The following PDE1C variants were observed in gnomAD, a reference collection of about 807,000 sequenced individuals.
PDE1C encodes phosphodiesterase 1C.
PDE1C carries 62 observed loss-of-function variants against 93.1 expected under a neutral mutation model. That is an observed-to-expected ratio of 0.67 (90% CI 0.54 to 0.82). The LOEUF (loss-of-function observed/expected upper bound fraction) is 0.82, where lower values mean the gene tolerates loss of function less well. Ranked by LOEUF, PDE1C falls within the 40% of genes least tolerant of loss-of-function variation. The pLI, the probability that PDE1C is intolerant of heterozygous loss-of-function variation, is 0.00. For missense variants in PDE1C, 742 were observed against 884.6 expected (o/e 0.84, Z 2.04); for synonymous variants, 325 against 310.1 (o/e 1.05, Z -0.50).
At chr7:31,642,035 A>T in the PDE1C span, 8 of 514,102 alleles carry the variant, frequency 1.6e-5, no homozygotes, top group Middle Eastern at 5.3e-4. Flanking sequence ...TGTCCTTGGA[A>T]TTCCCTCATT....
At chr7:32,313,740 C>CT (rs1783107302) in intron 1 of PDE1C, among the ~76,000 whole-genome samples, 1 of 112,752 alleles carries the variant, frequency 8.9e-6, no homozygotes, top group Non-Finnish European at 1.7e-5. Context: ...ACATCACACT[C>CT]TGGGGACTGT....
chr7:31,766,803 A>C (rs28533158), intron 17 of PDE1C, among the ~76,000 whole-genome samples: 23,229 of 152,246 alleles, frequency 0.15, 1,988 homozygotes, highest in Non-Finnish European at 0.18. Flanking sequence ...GACAACCATT[A>C]ATAGGAGAAT....
intron 13 of PDE1C, among the ~76,000 whole-genome samples, chr7:31,824,136 C>T (rs1172902301): frequency 6.6e-6 from 1 of 152,132 alleles, no homozygotes; most frequent in Non-Finnish European, 1.5e-5. Context: ...CACTTCTCTT[C>T]TTCCTCCTTT....
the PDE1C span, among the ~76,000 whole-genome samples, chr7:31,719,135 C>A: frequency 2.0e-5 from 3 of 152,182 alleles, no homozygotes; most frequent in Non-Finnish European, 4.4e-5. Flanking sequence ...TGTTGAGATC[C>A]CTTCCAATAT....
At chr7:32,205,221 T>C (rs1326786753) in intron 2 of PDE1C, among the ~76,000 whole-genome samples, 4 of 152,212 alleles carry the variant, frequency 2.6e-5, no homozygotes, top group African/African-American at 4.8e-5. Context: ...CTTCACATAG[T>C]CCATGACCAG....
intron 2 of PDE1C, among the ~76,000 whole-genome samples, chr7:32,010,628 T>C (rs1489848005): frequency 6.6e-6 from 1 of 152,226 alleles, no homozygotes. Context: ...ACCAGGTCAC[T>C]ATAAAATCAG....
rs148537948 is a variant in PDE1C, at chr7:31,762,385, G to A, written c.1961-8832C>T. Among the ~76,000 whole-genome samples, 144 of 152,190 alleles carry A rather than the reference G, an allele frequency of 9.5e-4. 1 individual carries two copies. The highest frequency in any genetic ancestry group is 3.3e-3 in the African/African-American group (138 of 41,510). ...AGATGGAGTCTCGCTCTGTCACCCAGCCTGGAGTGCAGTGGCGCCATCCCG... is the reference window on the plus strand; with the variant it reads ...AGATGGAGTCTCGCTCTGTCACCCAACCTGGAGTGCAGTGGCGCCATCCCG... On this transcript the variant is annotated intron_variant, in intron 17 of 17. Transcript: ENST00000396191.
At chr7:31,875,758 C>T (rs1219596239) in intron 5 of PDE1C, among the ~76,000 whole-genome samples, 2 of 124,050 alleles carry the variant, frequency 1.6e-5, no homozygotes, top group Non-Finnish European at 3.3e-5. Context: ...TCTCAGAAGA[C>T]AAGAGGTAGA....
At chr7:31,720,661 G>A in the PDE1C span, among the ~76,000 whole-genome samples, 9,530 of 152,152 alleles carry the variant, frequency 0.063, 356 homozygotes, top group Non-Finnish European at 0.088. Context: ...AAATCAACAG[G>A]GTGTCGTTCT....
chr7:32,081,320 G>C (rs1023367894), intron 3 of PDE1C, among the ~76,000 whole-genome samples: 1 of 152,218 alleles, frequency 6.6e-6, no homozygotes, highest in African/African-American at 2.4e-5. Context: ...TATGGGCAGA[G>C]CCAACAGAGA....
chr7:31,658,264 C>G, the PDE1C span: 1 of 1,500,560 alleles, frequency 6.7e-7, no homozygotes, highest in Non-Finnish European at 8.8e-7. Flanking sequence ...CACATATTCT[C>G]TTATAGGTGA....
chr7:31,654,041 G>T, the PDE1C span, among the ~76,000 whole-genome samples: 1 of 93,380 alleles, frequency 1.1e-5, no homozygotes, highest in African/African-American at 4.4e-5. Flanking sequence ...AGAGTTGGAT[G>T]AAGAGTAAGT....
At chr7:31,651,865 T>TTATG in the PDE1C span, 1 of 1,013,348 alleles carries the variant, frequency 9.9e-7, no homozygotes, top group South Asian at 1.4e-5. Context: ...AGAACCTATA[T>TTATG]TATGAGGTGA....
chr7:31,947,381 C>T (rs564780294), intron 2 of PDE1C, among the ~76,000 whole-genome samples: 1 of 152,192 alleles, frequency 6.6e-6, no homozygotes, highest in Non-Finnish European at 1.5e-5. Flanking sequence ...CTAGCCTAGA[C>T]AAGTTTACAA....
chr7:31,665,097 G>A, the PDE1C span, among the ~76,000 whole-genome samples: 2 of 152,028 alleles, frequency 1.3e-5, no homozygotes, highest in Non-Finnish European at 2.9e-5. Flanking sequence ...TCACTATGTT[G>A]CAACATCATG....
At chr7:32,252,283 C>T (rs1235598475) in intron 1 of PDE1C, among the ~76,000 whole-genome samples, 4 of 152,154 alleles carry the variant, frequency 2.6e-5, no homozygotes, top group East Asian at 1.9e-4. Context: ...CACAAGATCC[C>T]GGGACTATAA....
At chr7:31,790,242 T>G (rs1387072138) in intron 16 of PDE1C, 4 of 1,612,084 alleles carry the variant, frequency 2.5e-6, no homozygotes, top group Admixed American at 3.3e-5. Flanking sequence ...CTATGAGGTC[T>G]TTTTTACTCT....
intron 1 of PDE1C, among the ~76,000 whole-genome samples, chr7:32,225,818 T>C (rs777943452): frequency 2.0e-5 from 3 of 152,146 alleles, no homozygotes; most frequent in Non-Finnish European, 4.4e-5. Context: ...CCAACACTTT[T>C]GGAGGCTGAG....
intron 1 of PDE1C, among the ~76,000 whole-genome samples, chr7:32,357,732 C>T (rs1784059661): frequency 1.3e-5 from 2 of 152,290 alleles, no homozygotes; most frequent in South Asian, 4.1e-4. Context: ...ATAGTGCCAT[C>T]TGGTGAGTAC....
Sources: gnomAD v4.1 joint callset for allele counts (sites outside exome capture counted in the v4.1 genomes callset) on GRCh38, gnomAD v4.1.1 for gene constraint, MANE v1.5 for transcripts, NCBI Gene and HGNC (gene_info 2026-07-23, HGNC 2026-07-21) for gene names.